ZBED3: variants seen among roughly 807,000 people sequenced by gnomAD.
The protein encoded by ZBED3 is zinc finger BED-type containing 3, also known as zinc finger BED domain-containing protein 3.
For missense variants in ZBED3, 388 were observed against 362.9 expected (o/e 1.07, Z -0.56); for synonymous variants, 175 against 180.0 (o/e 0.97, Z 0.22).
rs976026218 is a variant in ZBED3, at chr5:77,072,694, A to G, written c.*4480T>C. The G allele has an allele frequency of 1.3e-5, 2 of 152,182 alleles. No homozygotes were observed. The highest frequency in any genetic ancestry group is 1.9e-4 in the East Asian group (1 of 5,204). The allele number at this position is 152,182 out of a possible 1,614,324, so 9.4% of individuals were successfully genotyped here. On this transcript the variant is annotated 3_prime_UTR_variant, in exon 3 of 3. Transcript: ENST00000255198. ...TTTGGCAACTATTTGATAGAAAAAT[A>G]TTTAATAGTATTTATCAGAAAGAGA...
rs1440412186 is a variant in ZBED3 at position 77,087,273 on chromosome 5, G to T, written c.-315C>A. 1 of 152,460 alleles carries T rather than the reference G, an allele frequency of 6.6e-6. No homozygotes were observed. The highest frequency in any genetic ancestry group is 1.5e-5 in the Non-Finnish European group (1 of 68,212). The allele number at this position is 152,460 out of a possible 1,614,324, so 9.4% of individuals were successfully genotyped here. ...ATTCACACGTCTGCGGGGAAAGGGGGGCCGTCACGTGTGGCCTTCGCCCGA... is the reference window on the plus strand; with the variant it reads ...ATTCACACGTCTGCGGGGAAAGGGGTGCCGTCACGTGTGGCCTTCGCCCGA... On this transcript the variant is annotated 5_prime_UTR_variant, in exon 1 of 3. Coordinates refer to ENST00000255198, the MANE Select transcript of ZBED3 (RefSeq NM_032367.4).
chr5:77,085,042 A>T (rs1369012835), intron 1 of ZBED3, among the ~76,000 whole-genome samples: 1 of 152,232 alleles, frequency 6.6e-6, no homozygotes, highest in East Asian at 1.9e-4. Flanking sequence ...TGCACTTGCT[A>T]TAGCTGAGTT....
Position 77,073,839 on chromosome 5 carries a change from G to A in ZBED3, c.*3335C>T, listed in dbSNP as rs950687350. ...GCAAGGCACTGTAGGAGTAGGGTGA[G>A]TATACTCCCCACAAGGGCTCAGGGT... is the stretch of plus-strand genomic sequence containing the variant. On this transcript the variant is annotated 3_prime_UTR_variant, in exon 3 of 3. Transcript: ENST00000255198. The A allele has an allele frequency of 7.2e-5, 11 of 152,204 alleles. No individual in the cohort carries two copies. The highest frequency in any genetic ancestry group is 2.4e-4 in the African/African-American group (10 of 41,444). 9.4% of individuals were successfully genotyped at this position (152,204 alleles called of 1,614,324 possible).
At chr5:77,078,850 T>G (rs755849608) in intron 1 of ZBED3, 122 bp from the exon 2 acceptor site, 11 of 152,238 alleles carry the variant, frequency 7.2e-5, no homozygotes, top group Non-Finnish European at 1.5e-4. Context: ...AACCCTTTCA[T>G]AGATACCCAA....
chr5:77,075,617 A>C lies in ZBED3; in HGVS notation c.*1557T>G, dbSNP rs1054219072. ...TCTGGCAAAATGTTAACAACTATTC[A>C]ATCCAAGTGGAGAGTATGTATCTGA... is the stretch of plus-strand genomic sequence containing the variant. On this transcript the variant is annotated 3_prime_UTR_variant, in exon 3 of 3. Transcript: ENST00000255198. 9 of 152,114 alleles carry C rather than the reference A, an allele frequency of 5.9e-5. No homozygotes were observed. Among genetic ancestry groups the C allele is most frequent in the African/African-American group, 2.2e-4 (9 of 41,416 alleles). 9.4% of individuals were successfully genotyped at this position (152,114 alleles called of 1,614,324 possible).
Position 77,077,158 on chromosome 5 carries a change from G to A in ZBED3, c.*16C>T. On this transcript the variant is annotated 3_prime_UTR_variant, in exon 3 of 3. Coordinates refer to ENST00000255198, the MANE Select transcript of ZBED3 (RefSeq NM_032367.4). ...ACGGAGAAGCGCTGTCCTGGGGTGG[G>A]GAAGTGGCCACACCCCTACAGGAGG... 7.0e-7 allele frequency: 1 copy of A among 1,430,208 alleles called. No individual in the cohort carries two copies. Among genetic ancestry groups the A allele is most frequent in the Middle Eastern group, 1.8e-4 (1 of 5,524 alleles). The allele number at this position is 1,430,208 out of a possible 1,614,324, so 88.6% of individuals were successfully genotyped here.
Position 77,073,475 on chromosome 5 carries a change from GTTAA to G in ZBED3, c.*3695_*3698del, listed in dbSNP as rs1360480070. The G allele has an allele frequency of 1.2e-4, 18 of 152,128 alleles. No individual in the cohort carries two copies. Among genetic ancestry groups the G allele is most frequent in the Admixed American group, 4.6e-4 (7 of 15,278 alleles). The allele number at this position is 152,128 out of a possible 1,614,324, so 9.4% of individuals were successfully genotyped here. A position where few individuals can be genotyped will look rare whatever the true frequency, so the allele number is the denominator to read the frequency against. ...AAGACAAAAGAAAATATATTAAAAT[GTTAA>G]TTAATAGCAGTTTTACAGAGGTGAC... On this transcript the variant is annotated 3_prime_UTR_variant, in exon 3 of 3. Transcript: ENST00000255198.
intron 1 of ZBED3, chr5:77,079,375 G>T (rs1743085470): frequency 6.6e-6 from 1 of 152,166 alleles, no homozygotes; most frequent in Admixed American, 6.5e-5. Context: ...AAACACAACT[G>T]GGAAAAACTG....
chr5:77,072,763 G>A lies in ZBED3; in HGVS notation c.*4411C>T, dbSNP rs140215230. Reference sequence around the variant, plus strand: ...GAGGCTTGTGTGTAGGTGTTCTCAGGAATCCTCCCAGGGAACCTGCTCTTG... The same window carrying A: ...GAGGCTTGTGTGTAGGTGTTCTCAGAAATCCTCCCAGGGAACCTGCTCTTG... On this transcript the variant is annotated 3_prime_UTR_variant, in exon 3 of 3. Transcript: ENST00000255198. 14 of 152,284 alleles carry A rather than the reference G, an allele frequency of 9.2e-5. No individual in the cohort carries two copies. Among genetic ancestry groups the A allele is most frequent in the African/African-American group, 3.4e-4 (14 of 41,552 alleles). The allele number at this position is 152,284 out of a possible 1,614,324, so 9.4% of individuals were successfully genotyped here.
intron 1 of ZBED3, among the ~76,000 whole-genome samples, chr5:77,080,919 A>G (rs1743116095): frequency 6.6e-6 from 1 of 152,224 alleles, no homozygotes; most frequent in African/African-American, 2.4e-5. Context: ...TGTACCCTAG[A>G]ACTTAAAGTA....
At chr5:77,083,246 C>T (rs1327285069) in intron 1 of ZBED3, among the ~76,000 whole-genome samples, 1 of 152,228 alleles carries the variant, frequency 6.6e-6, no homozygotes, top group Non-Finnish European at 1.5e-5. Flanking sequence ...GTGGGACAGT[C>T]CCATGGGGAA....
At chr5:77,085,560 C>A (rs550448191) in intron 1 of ZBED3, among the ~76,000 whole-genome samples, 1 of 152,186 alleles carries the variant, frequency 6.6e-6, no homozygotes, top group African/African-American at 2.4e-5. Flanking sequence ...TTCACACTAA[C>A]GTGAAATTCA....
intron 1 of ZBED3, among the ~76,000 whole-genome samples, chr5:77,082,140 G>T (rs920267482): frequency 6.6e-6 from 1 of 152,006 alleles, no homozygotes; most frequent in African/African-American, 2.4e-5. Flanking sequence ...GGTGGCGGGT[G>T]CCTATAATCC....
intron 1 of ZBED3, 103 bp downstream of exon 1, chr5:77,087,008 G>A (rs1269003933): frequency 2.6e-5 from 4 of 152,248 alleles, no homozygotes; most frequent in Admixed American, 1.3e-4. Context: ...CCCCGCGCGG[G>A]TGCCAGGGAG....
rs1742992686 is a variant in ZBED3 at position 77,076,041 on chromosome 5, G to GTATATATGTA, written c.*1132_*1133insTACATATATA. ...TATATGTATATATATATGTATATAT[G>GTATATATGTA]TATATATATATATAATATATACACA... On this transcript the variant is annotated 3_prime_UTR_variant, in exon 3 of 3. Transcript: ENST00000255198. 3.4e-4 allele frequency: 26 copies of GTATATATGTA among 76,272 alleles called. 3 individuals carry two copies. Among genetic ancestry groups the GTATATATGTA allele is most frequent in the Admixed American group, 9.4e-4 (6 of 6,388 alleles). 4.7% of individuals were successfully genotyped at this position (76,272 alleles called of 1,614,324 possible). A position where few individuals can be genotyped will look rare whatever the true frequency, so the allele number is the denominator to read the frequency against.
rs1276878546 is a variant in ZBED3 at position 77,087,238 on chromosome 5, A to G, written c.-280T>C. The G allele has an allele frequency of 1.3e-5, 2 of 152,314 alleles. No individual in the cohort carries two copies. The highest frequency in any genetic ancestry group is 4.8e-5 in the African/African-American group (2 of 41,464). 9.4% of individuals were successfully genotyped at this position (152,314 alleles called of 1,614,324 possible). ...ACCTCCGCGCGTGCCCCTTAAAGAC[A>G]CAGCGCTGCATTCACACGTCTGCGG... On this transcript the variant is annotated 5_prime_UTR_variant, in exon 1 of 3. Transcript: ENST00000255198.
rs1743054208 is a variant in ZBED3 at position 77,077,784 on chromosome 5, G to GCCGGCC, written c.89_94dup (p.Gly30_Pro31dup). On this transcript the variant is annotated inframe_insertion, in exon 3 of 3. Transcript: ENST00000255198. ...GCGGCCGGGAGGCGTCGGCGTCGGC[G>GCCGGCC]CCGGCCCCAGTCCCGGACACTGACC... 4 of 1,316,688 alleles carry GCCGGCC rather than the reference G, an allele frequency of 3.0e-6. No individual in the cohort carries two copies. The highest frequency in any genetic ancestry group is 4.3e-5 in the South Asian group (2 of 46,870). 81.6% of individuals were successfully genotyped at this position (1,316,688 alleles called of 1,614,324 possible). A position where few individuals can be genotyped will look rare whatever the true frequency, so the allele number is the denominator to read the frequency against.
At position 77,077,081 on chromosome 5, in the gene ZBED3, T is replaced by TGGCTTCGGTTAC. The variant is rs1229600883; in HGVS notation, c.*81_*92dup. On this transcript the variant is annotated 3_prime_UTR_variant, in exon 3 of 3. Coordinates refer to ENST00000255198, the MANE Select transcript of ZBED3 (RefSeq NM_032367.4). ...TCCGAGTGAGTAGCGGCTGCGGGCC[T>TGGCTTCGGTTAC]GGCTTCGGTTACGGCTTCGGTCCCA... 2.0e-6 allele frequency: 2 copies of TGGCTTCGGTTAC among 993,566 alleles called. No individual in the cohort carries two copies. The highest frequency in any genetic ancestry group is 3.6e-5 in the South Asian group (1 of 27,760). 61.5% of individuals were successfully genotyped at this position (993,566 alleles called of 1,614,324 possible).
chr5:77,078,340 C>T (rs1315165455), intron 2 of ZBED3, among the ~76,000 whole-genome samples: 1 of 152,202 alleles, frequency 6.6e-6, no homozygotes, highest in Non-Finnish European at 1.5e-5. Flanking sequence ...CTGCACAGCA[C>T]ACTTGAGCAA....
Sources: gnomAD v4.1 joint callset for allele counts (sites outside exome capture counted in the v4.1 genomes callset) on GRCh38, gnomAD v4.1.1 for gene constraint, MANE v1.5 for transcripts, NCBI Gene and HGNC (gene_info 2026-07-23, HGNC 2026-07-21) for gene names.